Variants in EXOC4 observed in about 807,000 individuals in gnomAD.
The protein encoded by EXOC4 is exocyst complex component 4.
A neutral mutation model predicts 107.2 loss-of-function variants in EXOC4; 71 were observed. That is an observed-to-expected ratio of 0.66 (90% CI 0.55 to 0.81). EXOC4 has a LOEUF of 0.81. Among genes scored for constraint, EXOC4 ranks in the 30% least tolerant of loss-of-function variants. EXOC4 has a pLI of 0.00. For synonymous variants in EXOC4, 456 were observed against 441.2 expected (o/e 1.03, Z -0.42); for missense variants, 1,108 against 1,189.6 (o/e 0.93, Z 1.01).
intron 9 of EXOC4, among the ~76,000 whole-genome samples, chr7:133,524,860 T>G (rs1389353668): frequency 6.6e-6 from 1 of 152,192 alleles, no homozygotes; most frequent in African/African-American, 2.4e-5. Context: ...AACAGTGAGC[T>G]CTTCCTTAGT....
intron 11 of EXOC4, among the ~76,000 whole-genome samples, chr7:133,859,806 G>C (rs985123246): frequency 1.3e-5 from 2 of 152,162 alleles, no homozygotes; most frequent in Admixed American, 1.3e-4. Flanking sequence ...TCAATGTACA[G>C]AATGGTGAAG....
At chr7:133,621,951 T>TTGTC (rs3045316) in intron 9 of EXOC4, among the ~76,000 whole-genome samples, 14 of 151,144 alleles carry the variant, frequency 9.3e-5, no homozygotes, top group African/African-American at 3.4e-4. Context: ...CTATTTTCTT[T>TTGTC]TGTCTGTCTG....
intron 4 of EXOC4, among the ~76,000 whole-genome samples, chr7:133,309,082 C>T (rs903532015): frequency 1.9e-4 from 29 of 152,248 alleles, no homozygotes; most frequent in East Asian, 3.9e-4. Context: ...TTGGTGCCAT[C>T]GAGCCGTCCT....
intron 9 of EXOC4, chr7:133,484,025 T>C (rs753065745): frequency 2.5e-6 from 4 of 1,614,020 alleles, no homozygotes; most frequent in Non-Finnish European, 3.4e-6. Context: ...ACGTCAACTT[T>C]TCCTTCCGTT....
At chr7:133,434,163 C>T (rs944920874) in intron 7 of EXOC4, among the ~76,000 whole-genome samples, 1 of 152,116 alleles carries the variant, frequency 6.6e-6, no homozygotes, top group African/African-American at 2.4e-5. Flanking sequence ...GGTTCATTTG[C>T]AAACAAAACT....
chr7:133,568,253 T>A (rs1009453612), intron 9 of EXOC4, among the ~76,000 whole-genome samples: 1 of 152,074 alleles, frequency 6.6e-6, no homozygotes, highest in Non-Finnish European at 1.5e-5. Flanking sequence ...TTTTTTTTTT[T>A]AATCTGGGAA....
intron 9 of EXOC4, among the ~76,000 whole-genome samples, chr7:133,511,686 G>A (rs181629740): frequency 1.3e-5 from 2 of 152,310 alleles, no homozygotes; most frequent in African/African-American, 4.8e-5. Context: ...TGCAGACACA[G>A]TACCTGTGAT....
At chr7:133,984,800 C>T (rs1283354313) in intron 14 of EXOC4, among the ~76,000 whole-genome samples, 1 of 152,122 alleles carries the variant, frequency 6.6e-6, no homozygotes, top group Non-Finnish European at 1.5e-5. Flanking sequence ...TGCCACATCT[C>T]CCATTTGGTC....
At chr7:133,663,291 C>T (rs1793738970) in intron 10 of EXOC4, among the ~76,000 whole-genome samples, 1 of 152,122 alleles carries the variant, frequency 6.6e-6, no homozygotes, top group South Asian at 2.1e-4. Context: ...TCTTACTAGC[C>T]TGTAGTACCC....
intron 7 of EXOC4, among the ~76,000 whole-genome samples, chr7:133,397,201 C>T (rs537670273): frequency 2.0e-5 from 3 of 151,262 alleles, no homozygotes; most frequent in Non-Finnish European, 4.4e-5. Flanking sequence ...TGATCTTCGG[C>T]TCACCGCAAC....
chr7:133,825,256 A>T (rs974404645), intron 11 of EXOC4, among the ~76,000 whole-genome samples: 1 of 151,994 alleles, frequency 6.6e-6, no homozygotes, highest in African/African-American at 2.4e-5. Flanking sequence ...GCTACTCGGG[A>T]GGCTGAGGCA....
At chr7:133,341,564 T>C (rs1795661393) in intron 5 of EXOC4, among the ~76,000 whole-genome samples, 1 of 152,190 alleles carries the variant, frequency 6.6e-6, no homozygotes. Context: ...TTCTATGGTA[T>C]GGTTAAGTCC....
At chr7:133,973,696 GAATAATTCTTAAGGT>G (rs1793755595) in intron 14 of EXOC4, among the ~76,000 whole-genome samples, 2 of 152,208 alleles carry the variant, frequency 1.3e-5, no homozygotes, top group African/African-American at 4.8e-5. Flanking sequence ...AATTGGAAAA[GAATAATTCTTAAGGT>G]AAGAGATTAT....
At chr7:133,306,575 C>T (rs918277424) in intron 4 of EXOC4, among the ~76,000 whole-genome samples, 7 of 151,980 alleles carry the variant, frequency 4.6e-5, no homozygotes, top group African/African-American at 7.2e-5. Flanking sequence ...TGGTGTGCAC[C>T]TGTAATCTCA....
intron 17 of EXOC4, among the ~76,000 whole-genome samples, chr7:134,053,146 G>A (rs1392733567): frequency 1.3e-5 from 2 of 151,818 alleles, no homozygotes; most frequent in African/African-American, 4.8e-5. Flanking sequence ...CCCTGCTCTA[G>A]AGAATGGCGT....
intron 9 of EXOC4, among the ~76,000 whole-genome samples, chr7:133,484,493 C>T (rs1389417444): frequency 6.6e-6 from 1 of 152,110 alleles, no homozygotes; most frequent in East Asian, 1.9e-4. Flanking sequence ...ATGTATAATT[C>T]TTCAGGGGAA....
At chr7:134,041,394 A>G (rs1464715449) in intron 17 of EXOC4, among the ~76,000 whole-genome samples, 4 of 152,214 alleles carry the variant, frequency 2.6e-5, no homozygotes, top group Non-Finnish European at 5.9e-5. Context: ...GCTTATTTGC[A>G]AATGTAGACA....
intron 9 of EXOC4, among the ~76,000 whole-genome samples, chr7:133,582,142 A>G (rs974062685): frequency 3.9e-5 from 6 of 152,232 alleles, no homozygotes; most frequent in East Asian, 3.9e-4. Context: ...TCTACCCTCA[A>G]GTAGGCCCCA....
rs375152241 is a variant in EXOC4, at chr7:133,716,600, T to G, written c.1514+86459T>G. On this transcript the variant is annotated intron_variant, in intron 10 of 17. Coordinates refer to ENST00000253861, the MANE Select transcript of EXOC4 (RefSeq NM_021807.4). ...AAATGCCCCCAAAAAAGAGCTTACT[T>G]CTAGAATATGTTTGTAATTATAGGA... Among the ~76,000 whole-genome samples the G allele has an allele frequency of 5.8e-4, 88 of 152,298 alleles. 3 individuals carry two copies. The East Asian group carries it at 0.01, about 18-fold the overall frequency.
Sources: gnomAD v4.1 joint callset for allele counts (sites outside exome capture counted in the v4.1 genomes callset) on GRCh38, gnomAD v4.1.1 for gene constraint, MANE v1.5 for transcripts, NCBI Gene and HGNC (gene_info 2026-07-23, HGNC 2026-07-21) for gene names.